Variants in STAT1 observed in about 807,000 individuals in gnomAD.
STAT1 encodes the protein signal transducer and activator of transcription 1-alpha/beta.
In STAT1, 24 loss-of-function variants were observed where a neutral mutation model predicts 111.7. The observed-to-expected ratio is 0.21, with a 90% CI of 0.16 to 0.30. STAT1 has a LOEUF of 0.30. Ranked by LOEUF, STAT1 falls within the 10% of genes least tolerant of loss-of-function variation. STAT1 has a pLI of 1.00. For synonymous variants in STAT1, 332 were observed against 326.5 expected, an observed-to-expected ratio of 1.02 and a Z score of -0.18; for missense variants, 351 against 911.9, an observed-to-expected ratio of 0.38 and a Z score of 7.92.
chr2:190,980,606 CA>C lies in STAT1; in HGVS notation c.1632+13del. The C allele has an allele frequency of 6.2e-7, 1 of 1,614,094 alleles. No individual in the cohort carries two copies. The highest frequency in any genetic ancestry group is 8.5e-7 in the Non-Finnish European group (1 of 1,179,946). ...AAAAGGACTTAGAGAGCATAAAACC[CA>C]GACAGTCCTCACCTTACAAAACCTC... On this transcript the variant is annotated intron_variant, in intron 19 of 24. Coordinates refer to ENST00000361099, the MANE Select transcript of STAT1 (RefSeq NM_007315.4). The surrounding 1 kb of genome is among the most constrained non-coding windows in gnomAD (Gnocchi z 6.1).
rs1693767714 is a variant in STAT1 at position 190,995,337 on chromosome 2, C to T, written c.786-118G>A. 1 of 1,051,122 alleles carries T rather than the reference C, an allele frequency of 9.5e-7. No individual in the cohort carries two copies. The allele number at this position is 1,051,122 out of a possible 1,614,324, so 65.1% of individuals were successfully genotyped here. On this transcript the variant is annotated intron_variant, in intron 9 of 24. Coordinates refer to ENST00000361099, the MANE Select transcript of STAT1 (RefSeq NM_007315.4). This position sits in a 1 kb window ranked among gnomAD's most constrained non-coding sequence, Gnocchi z 4.2. Reference sequence around the variant, plus strand: ...GCTGCTAATAAAGACATACTCGAGACTGGAGAATTTATAAAGGAAAGAGGT... The same window carrying T: ...GCTGCTAATAAAGACATACTCGAGATTGGAGAATTTATAAAGGAAAGAGGT...
chr2:191,009,463 T>TA (rs45604539), intron 3 of STAT1, among the ~76,000 whole-genome samples: 7,726 of 152,096 alleles, frequency 0.051, 284 homozygotes, highest in East Asian at 0.19. Context: ...ACCTATCAGT[T>TA]AAAAAAAATC....
rs1211454659 is a variant in STAT1 at position 190,986,205 on chromosome 2, T to TG, written c.1222-546dup. Among the ~76,000 whole-genome samples, 1 of 152,166 alleles carries TG rather than the reference T, an allele frequency of 6.6e-6. No individual in the cohort carries two copies. Among genetic ancestry groups the TG allele is most frequent in the Non-Finnish European group, 1.5e-5 (1 of 68,024 alleles). On this transcript the variant is annotated intron_variant, in intron 14 of 24. Transcript: ENST00000361099. This position sits in a 1 kb window ranked among gnomAD's most constrained non-coding sequence, Gnocchi z 5.0. ...CTACGAGGCTTGCTGGATCACAAAG[T>TG]GGTCTCTAGTGAAAAAGGATGCCTT...
At position 190,974,934 on chromosome 2, in the gene STAT1, TA is replaced by T; in HGVS notation, c.2136-3del. ...GTGGTCTGAAGTCTAGAAGGGTGAC[TA>T]AAATGGGGAAAAAGAAAAGAGCAAT... On this transcript the variant is annotated splice_region_variant and splice_polypyrimidine_tract_variant and intron_variant, in intron 23 of 24. Transcript: ENST00000361099. This position sits in a 1 kb window ranked among gnomAD's most constrained non-coding sequence, Gnocchi z 4.8. 1 of 1,611,834 alleles carries T rather than the reference TA, an allele frequency of 6.2e-7. No homozygotes were observed. Among genetic ancestry groups the T allele is most frequent in the Non-Finnish European group, 8.5e-7 (1 of 1,177,970 alleles).
Position 190,983,858 on chromosome 2 carries a change from TGAAA to T in STAT1, c.1348-122_1348-119del. 2 of 854,290 alleles carry T rather than the reference TGAAA, an allele frequency of 2.3e-6. No homozygotes were observed. Among genetic ancestry groups the T allele is most frequent in the Non-Finnish European group, 3.9e-6 (2 of 515,142 alleles). The allele number at this position is 854,290 out of a possible 1,614,324, so 52.9% of individuals were successfully genotyped here. On this transcript the variant is annotated intron_variant, in intron 16 of 24. Transcript: ENST00000361099. The surrounding 1 kb of genome is among the most constrained non-coding windows in gnomAD (Gnocchi z 5.7). ...TGTAAATTTGTACATATTTAATACT[TGAAA>T]ATGAGAAGTGTTAAGTTCTGTTCTT... is the stretch of plus-strand genomic sequence containing the variant.
In STAT1 at chr2:190,977,556, A is replaced by G. The variant is rs1692004843; in HGVS notation, c.1874-531T>C. ...AACGTAATAAACCATGGTTTAATTT[A>G]CTCCCGTTCTTATTCCCAGACTGAA... On this transcript the variant is annotated intron_variant, in intron 21 of 24. Transcript: ENST00000361099. The surrounding 1 kb of genome is among the most constrained non-coding windows in gnomAD (Gnocchi z 4.7). Among the ~76,000 whole-genome samples the G allele has an allele frequency of 6.6e-6, 1 of 152,214 alleles. No individual in the cohort carries two copies. Among genetic ancestry groups the G allele is most frequent in the Non-Finnish European group, 1.5e-5 (1 of 68,032 alleles).
chr2:191,013,722 G>T, intron 1 of STAT1, 44 bp from the exon 2 acceptor site: 1 of 398,678 alleles, frequency 2.5e-6, no homozygotes, highest in South Asian at 1.3e-4. Context: ...GGGTGGAAAC[G>T]GGAGAAAGTG....
Position 190,983,597 on chromosome 2 carries a change from G to A in STAT1, c.1446+45C>T, listed in dbSNP as rs376458258. ...CAGAGATGCAGCAGTGAGAGCGTGG[G>A]GTCTCTGCTTAACCCTGGGACCAAA... On this transcript the variant is annotated intron_variant, in intron 17 of 24. Coordinates refer to ENST00000361099, the MANE Select transcript of STAT1 (RefSeq NM_007315.4). This position sits in a 1 kb window ranked among gnomAD's most constrained non-coding sequence, Gnocchi z 5.7. 4 of 1,540,178 alleles carry A rather than the reference G, an allele frequency of 2.6e-6. No individual in the cohort carries two copies. The African/African-American group carries it at 5.4e-5, about 21-fold the overall frequency.
In STAT1 at chr2:190,976,727, G is replaced by A. The variant is rs1691932741; in HGVS notation, c.2059+113C>T. 2.2e-6 allele frequency: 2 copies of A among 896,160 alleles called. No individual in the cohort carries two copies. Among genetic ancestry groups the A allele is most frequent in the Admixed American group, 1.9e-5 (1 of 52,026 alleles). 55.5% of individuals were successfully genotyped at this position (896,160 alleles called of 1,614,324 possible). On this transcript the variant is annotated intron_variant, in intron 22 of 24. Coordinates refer to ENST00000361099, the MANE Select transcript of STAT1 (RefSeq NM_007315.4). The surrounding 1 kb of genome is among the most constrained non-coding windows in gnomAD (Gnocchi z 6.0). ...ACTGAGTTTATGCCATCTTTTGAAAGCCTACTCTTACCAATTCGAAAGCAA... is the reference window on the plus strand; with the variant it reads ...ACTGAGTTTATGCCATCTTTTGAAAACCTACTCTTACCAATTCGAAAGCAA...
In STAT1 at chr2:190,969,154, A is replaced by G. The variant is rs1691265517; in HGVS notation, c.*1549T>C. 2 of 152,146 alleles carry G rather than the reference A, an allele frequency of 1.3e-5. No individual in the cohort carries two copies. The allele number at this position is 152,146 out of a possible 1,614,324, so 9.4% of individuals were successfully genotyped here. On this transcript the variant is annotated 3_prime_UTR_variant, in exon 25 of 25. Coordinates refer to ENST00000361099, the MANE Select transcript of STAT1 (RefSeq NM_007315.4). The stretch of plus-strand genomic sequence containing the variant: ...TGACAGCTAAACCTCAGCAATTAGA[A>G]ACAATATTGTTTTAATGTTGTCTTC...
Position 190,998,289 on chromosome 2 carries a change from C to T in STAT1, c.561G>A (p.Val187=). The T allele has an allele frequency of 6.2e-7, 1 of 1,613,550 alleles. No individual in the cohort carries two copies. The highest frequency in any genetic ancestry group is 8.5e-7 in the Non-Finnish European group (1 of 1,179,868). ...LQNREHETNG[V]AKSDQKQEQL... ...GTTCTTGTTTCTGATCACTCTTTGC[C>T]ACACCATTGGTCTCGTGTTCTATAA... Residue 187 remains valine, a synonymous_variant, in exon 8 of 25, where the codon GTG becomes GTA. Transcript: ENST00000361099. This position sits in a 1 kb window ranked among gnomAD's most constrained non-coding sequence, Gnocchi z 4.1.
In STAT1 at chr2:190,995,231, C is replaced by T. The variant is rs562518878; in HGVS notation, c.786-12G>A. 34 of 1,613,616 alleles carry T rather than the reference C, an allele frequency of 2.1e-5. No individual in the cohort carries two copies. Among genetic ancestry groups the T allele is most frequent in the Non-Finnish European group, 2.7e-5 (32 of 1,179,900 alleles). On this transcript the variant is annotated splice_polypyrimidine_tract_variant and intron_variant, in intron 9 of 24. Coordinates refer to ENST00000361099, the MANE Select transcript of STAT1 (RefSeq NM_007315.4). This position sits in a 1 kb window ranked among gnomAD's most constrained non-coding sequence, Gnocchi z 4.2. ...CAACTATAGTGAACCTGGGAAGACA[C>T]AAGACACAGATGTCTCTATGAGAAA...
chr2:190,996,734 G>T lies in STAT1; in HGVS notation c.785+1122C>A, dbSNP rs577669096. 6.6e-6 allele frequency among the ~76,000 whole-genome samples: 1 copy of T among 152,236 alleles called. No homozygotes were observed. Among genetic ancestry groups the T allele is most frequent in the East Asian group, 1.9e-4 (1 of 5,182 alleles). On this transcript the variant is annotated intron_variant, in intron 9 of 24. Transcript: ENST00000361099. The surrounding 1 kb of genome is among the most constrained non-coding windows in gnomAD (Gnocchi z 4.5). ...ATTAATTGTGATTTTTTTAAAAACT[G>T]GCAATATAGAAAATAACCTCGTGAG...
rs1053344616 is a variant in STAT1 at position 191,003,818 on chromosome 2, C to T, written c.373-2655G>A. Among the ~76,000 whole-genome samples the T allele has an allele frequency of 2.0e-5, 3 of 152,184 alleles. No individual in the cohort carries two copies. The highest frequency in any genetic ancestry group is 2.1e-4 in the South Asian group (1 of 4,830). On this transcript the variant is annotated intron_variant, in intron 5 of 24. Transcript: ENST00000361099. The surrounding 1 kb of genome is among the most constrained non-coding windows in gnomAD (Gnocchi z 4.0). ...CTTCTAAGCCAGCAGGATGTGGGCA[C>T]GGTGTCCTGTGGGCTTTGTAACAGC...
At position 191,013,537 on chromosome 2, in the gene STAT1, G is replaced by A. The variant is rs902278776; in HGVS notation, c.-14C>T. ...AACATTTACTGACCTGCCACCTTGT[G>A]CCCCAACAAGGGCCTGGGGATTCAA... On this transcript the variant is annotated 5_prime_UTR_variant, in exon 2 of 25. Transcript: ENST00000361099. 4 of 398,228 alleles carry A rather than the reference G, an allele frequency of 1.0e-5. No homozygotes were observed. The highest frequency in any genetic ancestry group is 8.2e-5 in the African/African-American group (4 of 48,626). 24.7% of individuals were successfully genotyped at this position (398,228 alleles called of 1,614,324 possible). A position where few individuals can be genotyped will look rare whatever the true frequency, so the allele number is the denominator to read the frequency against.
Position 190,983,813 on chromosome 2 carries a change from A to G in STAT1, c.1348-73T>C. On this transcript the variant is annotated intron_variant, in intron 16 of 24. Coordinates refer to ENST00000361099, the MANE Select transcript of STAT1 (RefSeq NM_007315.4). The surrounding 1 kb of genome is among the most constrained non-coding windows in gnomAD (Gnocchi z 5.7). ...ACCTTCAGATAACTGCTTAGCCTCA[A>G]CTAAAAGCAGGGGATTATTTGTAAA... The G allele has an allele frequency of 7.9e-7, 1 of 1,258,032 alleles. No individual in the cohort carries two copies. Among genetic ancestry groups the G allele is most frequent in the East Asian group, 2.3e-5 (1 of 43,192 alleles). The allele number at this position is 1,258,032 out of a possible 1,614,324, so 77.9% of individuals were successfully genotyped here. A position where few individuals can be genotyped will look rare whatever the true frequency, so the allele number is the denominator to read the frequency against.
chr2:190,989,331 C>T lies in STAT1; in HGVS notation c.1097+284G>A, dbSNP rs1423096050. 3.3e-5 allele frequency among the ~76,000 whole-genome samples: 5 copies of T among 152,154 alleles called. No homozygotes were observed. Among genetic ancestry groups the T allele is most frequent in the African/African-American group, 1.2e-4 (5 of 41,436 alleles). On this transcript the variant is annotated intron_variant, in intron 12 of 24. Transcript: ENST00000361099. This position sits in a 1 kb window ranked among gnomAD's most constrained non-coding sequence, Gnocchi z 5.0. The stretch of plus-strand genomic sequence containing the variant: ...TAAAAAGGCACAGGAATGTTGATAC[C>T]AGCTCCAGGGGAAGCTCCCAACATC...
rs997948135 is a variant in STAT1, at chr2:190,997,847, G to T, written c.785+9C>A. ...TCAGCTGCCAGTTTTCTGCTTTGGAGAATCTTACCAGTTCTGCAGCTGATC... is the reference window on the plus strand; with the variant it reads ...TCAGCTGCCAGTTTTCTGCTTTGGATAATCTTACCAGTTCTGCAGCTGATC... On this transcript the variant is annotated intron_variant, in intron 9 of 24. Coordinates refer to ENST00000361099, the MANE Select transcript of STAT1 (RefSeq NM_007315.4). This position sits in a 1 kb window ranked among gnomAD's most constrained non-coding sequence, Gnocchi z 7.3. 1 of 1,614,040 alleles carries T rather than the reference G, an allele frequency of 6.2e-7. No individual in the cohort carries two copies. The highest frequency in any genetic ancestry group is 1.3e-5 in the African/African-American group (1 of 74,922).
Position 190,976,841 on chromosome 2 carries a change from T to G in STAT1, c.2058A>C (p.Glu686Asp). 1 of 1,614,066 alleles carries G rather than the reference T, an allele frequency of 6.2e-7. No individual in the cohort carries two copies. The highest frequency in any genetic ancestry group is 8.5e-7 in the Non-Finnish European group (1 of 1,179,898). Residue 686 changes from glutamate (E) to aspartate (D), a missense_variant and splice_region_variant, in exon 22 of 25, where the codon GAA becomes GAC. Around this residue, in one of 7 missense-constraint regions of STAT1, gnomAD observed 181 missense variants for 426.1 expected, o/e 0.42. Transcript: ENST00000361099. The surrounding 1 kb of genome is among the most constrained non-coding windows in gnomAD (Gnocchi z 6.0). Reference protein sequence around the residue: ...AFGKYYSRPKEAPEPMELDGP... With the variant: ...AFGKYYSRPKDAPEPMELDGP... ...TTACCACCTGCTTGCCCCACTTACC[T>G]TCCTTTGGCCTGGAGTAATACTTTC...
Sources: allele counts gnomAD v4.1 joint callset (sites outside exome capture counted in the v4.1 genomes callset), GRCh38; gene constraint gnomAD v4.1.1; regional missense constraint gnomAD v4.1.1; non-coding constraint Gnocchi (gnomAD v3.1); transcripts MANE v1.5; gene names NCBI Gene and HGNC (gene_info 2026-07-23, HGNC 2026-07-21).